The following LMF1 variants were observed in gnomAD, a reference collection of about 807,000 sequenced individuals.
The protein encoded by LMF1 is transmembrane protein 112.
In LMF1, 68 loss-of-function variants were observed where a neutral mutation model predicts 60.6. The ratio of observed to expected loss-of-function variants is 1.12; its 90% CI spans 0.92 to 1.37. The LOEUF (loss-of-function observed/expected upper bound fraction) is 1.37, where lower values mean the gene tolerates loss of function less well. Ranked by LOEUF, LMF1 falls within the 40% of genes most tolerant of loss-of-function variation. LMF1 has a pLI of 0.00. For synonymous variants in LMF1, 418 were observed against 324.7 expected, an observed-to-expected ratio of 1.29 and a Z score of -3.09; for missense variants, 948 against 767.2, an observed-to-expected ratio of 1.24 and a Z score of -2.78.
Position 869,061 on chromosome 16 carries a change from G to C in LMF1, c.1417-5C>G. 1 of 1,601,544 alleles carries C rather than the reference G, an allele frequency of 6.2e-7. No individual in the cohort carries two copies. The highest frequency in any genetic ancestry group is 8.5e-7 in the Non-Finnish European group (1 of 1,169,652). On this transcript the variant is annotated splice_region_variant and splice_polypyrimidine_tract_variant and intron_variant, in intron 9 of 10. Coordinates refer to ENST00000262301, the MANE Select transcript of LMF1 (RefSeq NM_022773.4). ...CCAGTCGTTGTGCTCGTAGGTCTGG[G>C]AGGAGAGGTCGGGCTGGAGACGGCT...
In LMF1 at chr16:878,680, G is replaced by A. The variant is rs984536815; in HGVS notation, c.897+890C>T. On this transcript the variant is annotated intron_variant, in intron 6 of 10. Coordinates refer to ENST00000262301, the MANE Select transcript of LMF1 (RefSeq NM_022773.4). The surrounding 1 kb of genome is among the most constrained non-coding windows in gnomAD (Gnocchi z 5.2). ...CCAACGTGGCGTGGCACCCGTGCCT[G>A]CTGACGGAGCTTTGCCCCTCTAGGC... Among the ~76,000 whole-genome samples, 2 of 149,142 alleles carry A rather than the reference G, an allele frequency of 1.3e-5. No individual in the cohort carries two copies. Among genetic ancestry groups the A allele is most frequent in the Non-Finnish European group, 3.0e-5 (2 of 67,678 alleles).
At chr16:892,929 G>C (rs1462558145) in intron 5 of LMF1, 78 bp downstream of exon 5, 1 of 1,156,046 alleles carries the variant, frequency 8.7e-7, no homozygotes, top group Non-Finnish European at 1.2e-6. Flanking sequence ...AGGGTGTGCA[G>C]GACTGAGCCC....
chr16:886,046 A>G (rs1415422706), intron 5 of LMF1, among the ~76,000 whole-genome samples: 1 of 152,258 alleles, frequency 6.6e-6, no homozygotes, highest in African/African-American at 2.4e-5. Flanking sequence ...TAACAGAAAG[A>G]TATCTGGAAA....
At position 871,276 on chromosome 16, in the gene LMF1, G is replaced by A. The variant is rs1231932541; in HGVS notation, c.963C>T (p.Ala321=). ...LNWLTMVPSL[A]CFDDATLGFL... ...ATCCCAGGGTGGCGTCATCAAAGCA[G>A]GCCAGGCTGGGCACCATAGTCAGCC... Residue 321 remains alanine (A), a synonymous_variant, in exon 7 of 11, where the codon GCC becomes GCT. Coordinates refer to ENST00000262301, the MANE Select transcript of LMF1 (RefSeq NM_022773.4). 1 of 1,612,596 alleles carries A rather than the reference G, an allele frequency of 6.2e-7. No homozygotes were observed. The highest frequency in any genetic ancestry group is 8.5e-7 in the Non-Finnish European group (1 of 1,179,826).
At chr16:979,607 C>T (rs2073281147) in intron 1 of LMF1, 1 of 453,936 alleles carries the variant, frequency 2.2e-6, no homozygotes, top group Non-Finnish European at 4.4e-6. Flanking sequence ...CCACCTGTGT[C>T]CCAGGGACTT....
At chr16:885,408 T>G in intron 5 of LMF1, among the ~76,000 whole-genome samples, 1 of 152,192 alleles carries the variant, frequency 6.6e-6, no homozygotes, top group Middle Eastern at 3.4e-3. Flanking sequence ...CTGCATTGGA[T>G]GCAAACGGCC....
At chr16:855,018 G>C in intron 10 of LMF1, 3 of 477,168 alleles carry the variant, frequency 6.3e-6, no homozygotes, top group South Asian at 6.2e-5. Context: ...AGCTTCACGG[G>C]TGGCACTGAG....
At chr16:867,953 A>G (rs2069660059) in intron 10 of LMF1, among the ~76,000 whole-genome samples, 1 of 151,872 alleles carries the variant, frequency 6.6e-6, no homozygotes, top group Non-Finnish European at 1.5e-5. Flanking sequence ...GCTGTGAGCA[A>G]CTCCAGAGGG....
intron 4 of LMF1, chr16:900,612 C>A (rs2070781608): frequency 6.6e-6 from 1 of 152,178 alleles, no homozygotes; most frequent in Non-Finnish European, 1.5e-5. Context: ...CAGGTTCAAG[C>A]AATTCTCCTG....
At chr16:898,414 G>C (rs1428299782) in intron 4 of LMF1, among the ~76,000 whole-genome samples, 2 of 152,236 alleles carry the variant, frequency 1.3e-5, no homozygotes, top group African/African-American at 4.8e-5. Context: ...GGGAGAGCCT[G>C]GGCTTCCGGG....
intron 3 of LMF1, among the ~76,000 whole-genome samples, chr16:916,710 G>A (rs1220339691): frequency 2.0e-5 from 3 of 152,232 alleles, no homozygotes; most frequent in Non-Finnish European, 4.4e-5. Flanking sequence ...TGGCCACGGG[G>A]AAAACATCTT....
intron 5 of LMF1, chr16:884,815 G>GAAA (rs2070260270): frequency 1.4e-5 from 2 of 145,880 alleles, no homozygotes; most frequent in African/African-American, 2.6e-5. Flanking sequence ...ATCACGGATG[G>GAAA]AAGCCTGGAT....
At chr16:920,739 A>T (rs1264883728) in intron 3 of LMF1, among the ~76,000 whole-genome samples, 1 of 152,244 alleles carries the variant, frequency 6.6e-6, no homozygotes, top group Non-Finnish European at 1.5e-5. Flanking sequence ...CATAGTCAAG[A>T]AACTGGCAAC....
chr16:863,429 A>G (rs2069526073), intron 10 of LMF1, among the ~76,000 whole-genome samples: 1 of 148,842 alleles, frequency 6.7e-6, no homozygotes, highest in Admixed American at 6.6e-5. Flanking sequence ...GGCATGAGCC[A>G]CCACACCCAA....
intron 10 of LMF1, among the ~76,000 whole-genome samples, chr16:868,457 C>CG (rs2069673963): frequency 6.6e-6 from 1 of 152,156 alleles, no homozygotes. Context: ...TCTGACCCTG[C>CG]GGGGCTCCCT....
chr16:910,339 C>G lies in LMF1; in HGVS notation c.663+592G>C, dbSNP rs566864144. On this transcript the variant is annotated intron_variant, in intron 4 of 10. Coordinates refer to ENST00000262301, the MANE Select transcript of LMF1 (RefSeq NM_022773.4). ...CCCACACCAGGGCCCAGGAGGGAAC[C>G]CGCCACCCCCACCCCGGGGCTCAGC... Among the ~76,000 whole-genome samples, 3 of 152,298 alleles carry G rather than the reference C, an allele frequency of 2.0e-5. No homozygotes were observed. The South Asian group carries it at 6.2e-4, about 32-fold the overall frequency.
rs1210428596 is a variant in LMF1 at position 853,986 on chromosome 16, A to C, written c.*546T>G. On this transcript the variant is annotated 3_prime_UTR_variant, in exon 11 of 11. Coordinates refer to ENST00000262301, the MANE Select transcript of LMF1 (RefSeq NM_022773.4). ...GGGGTGGAGATGAGGGATAGGACAG[A>C]AAATGGCCCATCCAACCCCACATCC... 2.2e-6 allele frequency: 1 copy of C among 454,090 alleles called. No individual in the cohort carries two copies. The highest frequency in any genetic ancestry group is 4.4e-6 in the Non-Finnish European group (1 of 226,808). The allele number at this position is 454,090 out of a possible 1,614,324, so 28.1% of individuals were successfully genotyped here.
At chr16:974,631 GT>G (rs2073101803), upstream of LMF1, among the ~76,000 whole-genome samples, 1 of 152,184 alleles carries the variant, frequency 6.6e-6, no homozygotes, top group South Asian at 2.1e-4. Context: ...TGTCCCCGCC[GT>G]CCCGGCCTGC....
intron 5 of LMF1, among the ~76,000 whole-genome samples, chr16:889,317 CAGCAGA>C (rs2070406965): frequency 1.3e-5 from 2 of 152,146 alleles, no homozygotes; most frequent in Non-Finnish European, 2.9e-5. Context: ...CTTTCGTTAC[CAGCAGA>C]TGAAAAAAGC....
Sources: allele counts gnomAD v4.1 joint callset (sites outside exome capture counted in the v4.1 genomes callset), GRCh38; gene constraint gnomAD v4.1.1; non-coding constraint Gnocchi (gnomAD v3.1); transcripts MANE v1.5; gene names NCBI Gene and HGNC (gene_info 2026-07-23, HGNC 2026-07-21).